The following WDFY1 variants were observed in gnomAD, a reference collection of about 807,000 sequenced individuals.
WDFY1 encodes the protein WD repeat and FYVE domain containing 1, also known as WD repeat and FYVE domain-containing protein 1.
Under a neutral mutation model 56.4 loss-of-function variants are expected in WDFY1, and 32 were observed. The ratio of observed to expected loss-of-function variants is 0.57; its 90% CI spans 0.43 to 0.76. The LOEUF is 0.76. Ranked by LOEUF, WDFY1 falls within the 30% of genes least tolerant of loss-of-function variation. WDFY1 has a pLI of 0.00. For synonymous variants in WDFY1, 192 were observed against 197.3 expected (o/e 0.97, Z 0.23); for missense variants, 480 against 545.7 (o/e 0.88, Z 1.20).
chr2:223,894,394 T>C (rs1693326875), intron 7 of WDFY1, 55 bp from the exon 8 acceptor site: 2 of 1,582,506 alleles, frequency 1.3e-6, no homozygotes, highest in African/African-American at 1.3e-5. Context: ...ACACAGGAAC[T>C]GTCTTCATTT....
At position 223,897,388 on chromosome 2, in the gene WDFY1, A is replaced by ATTTTTT. The variant is rs1474375997; in HGVS notation, c.598+1569_598+1570insAAAAAA. On this transcript the variant is annotated intron_variant, in intron 6 of 11. Coordinates refer to ENST00000233055, the MANE Select transcript of WDFY1 (RefSeq NM_020830.5). ...TATATATATATATATATATATATATATATTTTTTAAGACGGAGTCTCTCTC... is the reference window on the plus strand; with the variant it reads ...TATATATATATATATATATATATATATTTTTTTATTTTTTAAGACGGAGTCTCTCTC... 2.0e-3 allele frequency among the ~76,000 whole-genome samples: 252 copies of ATTTTTT among 125,060 alleles called. 5 individuals carry two copies. The highest frequency in any genetic ancestry group is 2.8e-3 in the Non-Finnish European group (170 of 61,788). 82.0% of individuals were successfully genotyped at this position (125,060 alleles called of 152,430 possible).
At chr2:223,899,994 T>C (rs987013896) in intron 5 of WDFY1, among the ~76,000 whole-genome samples, 4 of 152,328 alleles carry the variant, frequency 2.6e-5, no homozygotes, top group African/African-American at 4.8e-5. Flanking sequence ...TTTGTGGCGG[T>C]AGTACATTTA....
chr2:223,936,114 G>C (rs1015466827), intron 1 of WDFY1, among the ~76,000 whole-genome samples: 2 of 148,766 alleles, frequency 1.3e-5, no homozygotes, highest in African/African-American at 5.0e-5. Context: ...CAAGCTGGAG[G>C]GCAGCAGCAT....
intron 1 of WDFY1, among the ~76,000 whole-genome samples, chr2:223,919,216 A>G (rs1416227634): frequency 5.9e-5 from 9 of 151,928 alleles, no homozygotes; most frequent in Admixed American, 3.3e-4. Flanking sequence ...TTTCTCATTC[A>G]TTATTTATTT....
At chr2:223,930,742 C>T (rs549940296) in intron 1 of WDFY1, among the ~76,000 whole-genome samples, 5 of 152,308 alleles carry the variant, frequency 3.3e-5, no homozygotes, top group Admixed American at 6.5e-5. Flanking sequence ...AAGACTGCCA[C>T]GTCACATGAA....
rs527520621 is a variant in WDFY1 at position 223,894,332 on chromosome 2, C to G, written c.733G>C (p.Val245Leu). The part of the protein sequence containing the change: ...TLLLQGHHDK[V>L]QSLCYLQLTR... ...AGCTGAAGGTAGCACAGCGACTGCA[C>G]CTTGTCACTGCAAACAGCACACACA... Residue 245 changes from valine (V) to leucine (L), a missense_variant, in exon 8 of 12, where the codon GTG becomes CTG. Val to Leu is a conservative substitution (Grantham distance 32). Transcript: ENST00000233055. 1 of 1,614,152 alleles carries G rather than the reference C, an allele frequency of 6.2e-7. No individual in the cohort carries two copies. The highest frequency in any genetic ancestry group is 8.5e-7 in the Non-Finnish European group (1 of 1,179,996).
At chr2:223,940,348 C>T (rs983208779) in intron 1 of WDFY1, among the ~76,000 whole-genome samples, 4 of 152,026 alleles carry the variant, frequency 2.6e-5, no homozygotes, top group African/African-American at 4.8e-5. Flanking sequence ...TAGCACCAAA[C>T]GAGTTTTCAG....
At chr2:223,890,201 G>T (rs886909038) in intron 8 of WDFY1, among the ~76,000 whole-genome samples, 1 of 152,238 alleles carries the variant, frequency 6.6e-6, no homozygotes, top group African/African-American at 2.4e-5. Context: ...GCTGGGCGCA[G>T]TTGCTCACAT....
chr2:223,890,226 C>A (rs1574760095), intron 8 of WDFY1, among the ~76,000 whole-genome samples: 1 of 152,156 alleles, frequency 6.6e-6, no homozygotes, highest in East Asian at 1.9e-4. Context: ...AATCCCAGCA[C>A]TTTGGGAGGC....
intron 1 of WDFY1, among the ~76,000 whole-genome samples, chr2:223,932,028 A>C (rs1048735612): frequency 1.1e-4 from 17 of 150,532 alleles, no homozygotes; most frequent in African/African-American, 4.2e-4. Context: ...CAGAAAGGGC[A>C]CTGGAAATAT....
chr2:223,922,826 A>T (rs1315601098), intron 1 of WDFY1, among the ~76,000 whole-genome samples: 1 of 152,182 alleles, frequency 6.6e-6, no homozygotes, highest in East Asian at 1.9e-4. Context: ...TCTAATGTTA[A>T]TTTCATACAG....
intron 1 of WDFY1, among the ~76,000 whole-genome samples, chr2:223,927,132 A>C (rs1436336513): frequency 6.6e-6 from 1 of 152,172 alleles, no homozygotes; most frequent in Non-Finnish European, 1.5e-5. Context: ...ATAATTCTTA[A>C]TGGTCTTAGG....
In WDFY1 at chr2:223,901,146, G is replaced by A. The variant is rs1693500776; in HGVS notation, c.485+37C>T. The A allele has an allele frequency of 3.1e-6, 5 of 1,592,148 alleles. No individual in the cohort carries two copies. The East Asian group carries it at 9.0e-5, about 29-fold the overall frequency. ...CAGAACCAAACACTGAGAAGCAGAG[G>A]CCAGGGGAAGGAGAGGTCCGTGGCT... On this transcript the variant is annotated intron_variant, in intron 5 of 11. Coordinates refer to ENST00000233055, the MANE Select transcript of WDFY1 (RefSeq NM_020830.5).
At chr2:223,902,127 T>C (rs1192716411) in intron 4 of WDFY1, among the ~76,000 whole-genome samples, 1 of 152,188 alleles carries the variant, frequency 6.6e-6, no homozygotes, top group Non-Finnish European at 1.5e-5. Flanking sequence ...CTCTCAGCTG[T>C]ACAGACTGCT....
rs572393462 is a variant in WDFY1, at chr2:223,901,857, T to A, written c.335-524A>T. 7.2e-5 allele frequency among the ~76,000 whole-genome samples: 11 copies of A among 152,332 alleles called. No homozygotes were observed. The East Asian group carries it at 2.1e-3, about 29-fold the overall frequency. On this transcript the variant is annotated intron_variant, in intron 4 of 11. Coordinates refer to ENST00000233055, the MANE Select transcript of WDFY1 (RefSeq NM_020830.5). ...TGTTTGGTTTCTGGAATACTTTTTA[T>A]CAGTGTGTAACATTTTATTATTTAC...
intron 1 of WDFY1, among the ~76,000 whole-genome samples, chr2:223,936,358 G>T (rs890450174): frequency 6.6e-6 from 1 of 151,974 alleles, no homozygotes; most frequent in Non-Finnish European, 1.5e-5. Context: ...CACTGCGCCC[G>T]GCCCCCAAAG....
chr2:223,907,849 T>C (rs1652551969), intron 3 of WDFY1, among the ~76,000 whole-genome samples: 2 of 118,110 alleles, frequency 1.7e-5, no homozygotes, highest in African/African-American at 6.6e-5. Flanking sequence ...AGGCTGCTGC[T>C]GCTATTTTTT....
rs568641355 is a variant in WDFY1 at position 223,884,579 on chromosome 2, C to A, written c.933+69G>T. 7.9e-5 allele frequency: 115 copies of A among 1,454,052 alleles called. No individual in the cohort carries two copies. In the African/African-American group the frequency reaches 9.6e-4, roughly 12 times the overall value. 90.1% of individuals were successfully genotyped at this position (1,454,052 alleles called of 1,614,324 possible). On this transcript the variant is annotated intron_variant, in intron 9 of 11. Coordinates refer to ENST00000233055, the MANE Select transcript of WDFY1 (RefSeq NM_020830.5). ...AAAAACAAAGTGTGTTTCAAAAAAA[C>A]CCCAGATTAAGTATGCAAATAGTGA...
chr2:223,891,442 G>A (rs924235954), intron 8 of WDFY1, among the ~76,000 whole-genome samples: 1 of 142,812 alleles, frequency 7.0e-6, no homozygotes, highest in Admixed American at 7.3e-5. Flanking sequence ...ATTATAGCCT[G>A]TTTATCCTTG....
Sources: allele counts gnomAD v4.1 joint callset (sites outside exome capture counted in the v4.1 genomes callset), GRCh38; gene constraint gnomAD v4.1.1; transcripts MANE v1.5; gene names NCBI Gene and HGNC (gene_info 2026-07-23, HGNC 2026-07-21).